The following MPP7 variants were observed in gnomAD, a reference collection of about 807,000 sequenced individuals.
MPP7 encodes the protein MAGUK p55 subfamily member 7.
MPP7 carries 60 observed loss-of-function variants against 76.5 expected under a neutral mutation model. The observed-to-expected ratio is 0.78, with a 90% CI of 0.64 to 0.97. The LOEUF (loss-of-function observed/expected upper bound fraction) is 0.97, where lower values mean the gene tolerates loss of function less well. MPP7 is among the 50% of genes least tolerant of loss of function. The pLI is 0.00. For synonymous variants in MPP7, 237 were observed against 244.5 expected (o/e 0.97, Z 0.29); for missense variants, 641 against 694.0 (o/e 0.92, Z 0.86).
chr10:28,275,126 G>C (rs1474519502), intron 1 of MPP7, among the ~76,000 whole-genome samples: 8 of 152,146 alleles, frequency 5.3e-5, no homozygotes, highest in African/African-American at 1.7e-4. Flanking sequence ...TCACCTTTAA[G>C]CTGACATCTC....
rs931143990 is a variant in MPP7 at position 28,303,014 on chromosome 10, A to G, written c.-285T>C. On this transcript the variant is annotated 5_prime_UTR_variant, in exon 1 of 17. Coordinates refer to ENST00000683449, the MANE Select transcript of MPP7 (RefSeq NM_001318170.2). The stretch of plus-strand genomic sequence containing the variant: ...CACCGCCGCGGCGGGCGCAGAACGC[A>G]CGAGCCCAGTGGGAGCCCGGCCCCC... Among the ~76,000 whole-genome samples, 8 of 149,878 alleles carry G rather than the reference A, an allele frequency of 5.3e-5. No individual in the cohort carries two copies. Among genetic ancestry groups the G allele is most frequent in the African/African-American group, 1.9e-4 (8 of 41,238 alleles).
intron 3 of MPP7, among the ~76,000 whole-genome samples, chr10:28,198,798 G>C (rs1355651935): frequency 1.3e-5 from 2 of 152,018 alleles, no homozygotes; most frequent in Non-Finnish European, 2.9e-5. Flanking sequence ...AAAATATATG[G>C]TCCTGGATAT....
chr10:28,292,209 G>A (rs1840937799), intron 1 of MPP7, among the ~76,000 whole-genome samples: 1 of 152,208 alleles, frequency 6.6e-6, no homozygotes, highest in Non-Finnish European at 1.5e-5. Flanking sequence ...GTAGTAGGCT[G>A]TGTTATCTAC....
chr10:28,100,631 T>C (rs1853779317), intron 11 of MPP7, among the ~76,000 whole-genome samples: 1 of 152,182 alleles, frequency 6.6e-6, no homozygotes, highest in Non-Finnish European at 1.5e-5. Flanking sequence ...AAAATTCATC[T>C]CTGCAATGTT....
chr10:28,299,055 A>G (rs1841093489), intron 1 of MPP7, among the ~76,000 whole-genome samples: 1 of 152,148 alleles, frequency 6.6e-6, no homozygotes, highest in Non-Finnish European at 1.5e-5. Context: ...AACCTTCTCT[A>G]TATTAGCAAT....
intron 2 of MPP7, among the ~76,000 whole-genome samples, chr10:28,223,051 T>C (rs1280678899): frequency 6.9e-6 from 1 of 143,896 alleles, no homozygotes; most frequent in Non-Finnish European, 1.5e-5. Flanking sequence ...GGAGAATCGC[T>C]TGAACCCGGG....
chr10:28,223,894 T>C (rs1330854352), intron 2 of MPP7, among the ~76,000 whole-genome samples: 1 of 150,606 alleles, frequency 6.6e-6, no homozygotes, highest in Non-Finnish European at 1.5e-5. Flanking sequence ...ATAAACGTCA[T>C]TGCAAAAATA....
At chr10:28,277,561 T>C (rs1445228392) in intron 1 of MPP7, among the ~76,000 whole-genome samples, 1 of 151,976 alleles carries the variant, frequency 6.6e-6, no homozygotes. Context: ...TTGGCAGAAC[T>C]GGGGTTTCAA....
chr10:28,172,690 G>A (rs1588882457), intron 3 of MPP7, among the ~76,000 whole-genome samples: 1 of 152,086 alleles, frequency 6.6e-6, no homozygotes, highest in Non-Finnish European at 1.5e-5. Flanking sequence ...AAATTACACC[G>A]AGCTATAGAA....
chr10:28,164,045 G>A lies in MPP7; in HGVS notation c.157-13986C>T, dbSNP rs890702465. ...GGAGATACACTGAGCATAAAGGCTT[G>A]TGAGACACCCACGTGGAGAAGTGGG... On this transcript the variant is annotated intron_variant, in intron 3 of 16. Coordinates refer to ENST00000683449, the MANE Select transcript of MPP7 (RefSeq NM_001318170.2). Among the ~76,000 whole-genome samples the A allele has an allele frequency of 1.4e-4, 21 of 152,194 alleles. 1 individual carries two copies. The highest frequency in any genetic ancestry group is 1.4e-3 in the Admixed American group (21 of 15,276).
At chr10:28,211,340 T>C (rs1044006274) in intron 2 of MPP7, among the ~76,000 whole-genome samples, 1 of 152,110 alleles carries the variant, frequency 6.6e-6, no homozygotes, top group Admixed American at 6.6e-5. Context: ...CTTGGGGCTT[T>C]AGTAGCCCTG....
chr10:28,259,736 T>C (rs902100453), intron 1 of MPP7, among the ~76,000 whole-genome samples: 3 of 152,084 alleles, frequency 2.0e-5, no homozygotes, highest in Admixed American at 1.3e-4. Flanking sequence ...CCCAGTACTT[T>C]GGGAGGCTGA....
At chr10:28,292,092 A>C (rs1840934419) in intron 1 of MPP7, among the ~76,000 whole-genome samples, 1 of 152,180 alleles carries the variant, frequency 6.6e-6, no homozygotes, top group Non-Finnish European at 1.5e-5. Flanking sequence ...AGATGTTTAG[A>C]TATACAAATA....
At chr10:28,102,958 A>G (rs1255160212) in intron 11 of MPP7, among the ~76,000 whole-genome samples, 2 of 152,232 alleles carry the variant, frequency 1.3e-5, no homozygotes, top group Non-Finnish European at 2.9e-5. Context: ...GATCTGGAGT[A>G]TAAGAGCCAA....
chr10:28,197,683 A>G (rs1837632854), intron 3 of MPP7, among the ~76,000 whole-genome samples: 1 of 152,192 alleles, frequency 6.6e-6, no homozygotes, highest in Admixed American at 6.5e-5. Flanking sequence ...CCCCACAGGC[A>G]AGGGATTGTG....
chr10:28,125,228 T>C (rs1213762798), intron 6 of MPP7, 137 bp from the exon 7 acceptor site: 10 of 683,304 alleles, frequency 1.5e-5, no homozygotes, highest in Admixed American at 1.0e-4. Flanking sequence ...GCAGGAAAAA[T>C]AGACATCATG....
Position 28,089,840 on chromosome 10 carries a change from A to G in MPP7, c.954T>C (p.Ser318=), listed in dbSNP as rs1853209737. Residue 318 remains serine (S), a splice_region_variant and synonymous_variant, in exon 12 of 17, where the codon TCT becomes TCC. Transcript: ENST00000683449. ...QPLKVSNRKS[S]GFRKSFRLSR... Reference sequence around the variant, plus strand: ...TAAGACGAAAACTTTTTCTAAAACCAGCTGCAAATATTAAAATAAATATAT... The same window carrying G: ...TAAGACGAAAACTTTTTCTAAAACCGGCTGCAAATATTAAAATAAATATAT... The G allele has an allele frequency of 9.9e-6, 14 of 1,412,422 alleles. No homozygotes were observed. The East Asian group carries it at 3.2e-4, about 32-fold the overall frequency. 87.5% of individuals were successfully genotyped at this position (1,412,422 alleles called of 1,614,324 possible). A position where few individuals can be genotyped will look rare whatever the true frequency, so the allele number is the denominator to read the frequency against.
intron 2 of MPP7, among the ~76,000 whole-genome samples, chr10:28,227,431 T>A: frequency 6.6e-6 from 1 of 152,306 alleles, no homozygotes; most frequent in East Asian, 1.9e-4. Flanking sequence ...AAGCCCCACA[T>A]GCATTAGCTA....
intron 12 of MPP7, among the ~76,000 whole-genome samples, chr10:28,083,367 G>A (rs1799609828): frequency 6.6e-6 from 1 of 152,110 alleles, no homozygotes; most frequent in Non-Finnish European, 1.5e-5. Flanking sequence ...AGGCCACAGT[G>A]GGGTAGAGGT....
Sources: allele counts gnomAD v4.1 joint callset (sites outside exome capture counted in the v4.1 genomes callset), GRCh38; gene constraint gnomAD v4.1.1; transcripts MANE v1.5; gene names NCBI Gene and HGNC (gene_info 2026-07-23, HGNC 2026-07-21).